The following THAP12 variants were observed in gnomAD, a reference collection of about 807,000 sequenced individuals.
THAP12 encodes THAP domain containing 12, also known as 52 kDa repressor of the inhibitor of the protein kinase.
Under a neutral mutation model 63.0 loss-of-function variants are expected in THAP12, and 20 were observed. The observed-to-expected ratio is 0.32, with a 90% CI of 0.22 to 0.46. The LOEUF (loss-of-function observed/expected upper bound fraction) is 0.46. Among genes scored for constraint, THAP12 ranks in the 20% least tolerant of loss-of-function variants. THAP12 has a pLI of 1.00. For synonymous variants in THAP12, 264 were observed against 328.4 expected (o/e 0.80, Z 2.12); for missense variants, 568 against 908.2 (o/e 0.63, Z 4.81).
rs1161843527 is a variant in THAP12, at chr11:76,351,196, T to C, written c.1954A>G (p.Arg652Gly). ...GACGGAAGCTCTATATCTTTCCCCC[T>C]GTGTTTCCATTTGATTCTCCAACAA... ...LHCWRIKWKHRGKDIELPSTI... is the reference protein window; with the variant it reads ...LHCWRIKWKHGGKDIELPSTI... The change falls in exon 5 of 5, where the codon AGG becomes GGG. Residue 652 changes from arginine to glycine, a missense_variant. Physicochemically the swap from Arg to Gly is moderately radical, Grantham distance 125. Transcript: ENST00000260045. The C allele has an allele frequency of 3.8e-6, 6 of 1,560,810 alleles. No individual in the cohort carries two copies. The highest frequency in any genetic ancestry group is 2.3e-5 in the East Asian group (1 of 44,408).
rs927676432 is a variant in THAP12, at chr11:76,380,673, C to T, written c.89+75G>A. ...CGCCCCTCTCAGCCAGCCCGGGAGC[C>T]CGCCAGGGGCCGGCGGCTGGCAGCG... On this transcript the variant is annotated intron_variant, in intron 1 of 4. Coordinates refer to ENST00000260045, the MANE Select transcript of THAP12 (RefSeq NM_004705.4). 6.8e-6 allele frequency: 8 copies of T among 1,181,418 alleles called. No homozygotes were observed. In the African/African-American group the frequency reaches 1.3e-4, roughly 19 times the overall value. The allele number at this position is 1,181,418 out of a possible 1,614,324, so 73.2% of individuals were successfully genotyped here.
intron 3 of THAP12, chr11:76,356,682 C>G (rs548292224): frequency 6.6e-6 from 1 of 152,244 alleles, no homozygotes; most frequent in East Asian, 1.9e-4. Flanking sequence ...ATAGCATTTA[C>G]ATTGTAGTAG....
At chr11:76,372,418 A>AAAGAG (rs1555025718) in intron 1 of THAP12, among the ~76,000 whole-genome samples, 2 of 150,880 alleles carry the variant, frequency 1.3e-5, no homozygotes, top group African/African-American at 2.4e-5. Context: ...AAAAAAAAAA[A>AAAGAG]AGAGAGAGAG....
intron 1 of THAP12, among the ~76,000 whole-genome samples, chr11:76,379,757 C>T (rs981577620): frequency 1.3e-5 from 2 of 150,908 alleles, no homozygotes; most frequent in African/African-American, 2.4e-5. Context: ...CTTGTTTATT[C>T]CCCCCCCATT....
At position 76,350,763 on chromosome 11, in the gene THAP12, G is replaced by C; in HGVS notation, c.*101C>G. 7.9e-7 allele frequency: 1 copy of C among 1,263,802 alleles called. No homozygotes were observed. Among genetic ancestry groups the C allele is most frequent in the Non-Finnish European group, 1.0e-6 (1 of 954,200 alleles). 78.3% of individuals were successfully genotyped at this position (1,263,802 alleles called of 1,614,324 possible). On this transcript the variant is annotated 3_prime_UTR_variant, in exon 5 of 5. Transcript: ENST00000260045. ...ATCAATGGCTAATGTATTCAATGGA[G>C]TCCTATAGGCAAAGATATTTAGTGA...
chr11:76,355,624 T>G lies in THAP12; in HGVS notation c.349A>C (p.Lys117Gln), dbSNP rs1322476181. The G allele has an allele frequency of 1.3e-5, 21 of 1,597,414 alleles. No homozygotes were observed. Among genetic ancestry groups the G allele is most frequent in the Non-Finnish European group, 1.8e-5 (21 of 1,173,402 alleles). ...CATTAACACTATCACTTACTTTTTT[T>G]CTGTTTCAGTGTCCTGATTTCATCT... ...SEDEIRTLKQ[K>Q]KIDETSEQEQ... is the part of the protein sequence containing the mutation. Residue 117 changes from lysine (K) to glutamine (Q), a missense_variant, in exon 4 of 5, where the codon AAA becomes CAA. Physicochemically the swap from Lys to Gln is moderately conservative, Grantham distance 53. Transcript: ENST00000260045.
At position 76,365,747 on chromosome 11, in the gene THAP12, T is replaced by C. The variant is rs878932994; in HGVS notation, c.210+105A>G. ...GTCTTCATCTTAAAGTGGCAGGATA[T>C]AGGAATACCTTCCAACATTGGTAAA... On this transcript the variant is annotated intron_variant, in intron 2 of 4. Coordinates refer to ENST00000260045, the MANE Select transcript of THAP12 (RefSeq NM_004705.4). 3.7e-6 allele frequency: 5 copies of C among 1,362,440 alleles called. No homozygotes were observed. The South Asian group carries it at 4.3e-5, about 12-fold the overall frequency. The allele number at this position is 1,362,440 out of a possible 1,614,324, so 84.4% of individuals were successfully genotyped here.
chr11:76,369,836 AC>A (rs1301748160), intron 1 of THAP12, among the ~76,000 whole-genome samples: 1 of 152,270 alleles, frequency 6.6e-6, no homozygotes, highest in Admixed American at 6.5e-5. Context: ...CATGGGAAAG[AC>A]GGAGCATAGG....
chr11:76,353,295 T>C (rs1946540048), intron 4 of THAP12, among the ~76,000 whole-genome samples: 1 of 152,232 alleles, frequency 6.6e-6, no homozygotes, highest in Admixed American at 6.5e-5. Context: ...CTGTGCTTAG[T>C]ATTTTATATG....
intron 1 of THAP12, among the ~76,000 whole-genome samples, chr11:76,368,066 GTTGT>G (rs916388502): frequency 3.3e-5 from 5 of 152,144 alleles, no homozygotes; most frequent in African/African-American, 1.2e-4. Context: ...TACTGCTACA[GTTGT>G]TTGTTTTTTA....
intron 1 of THAP12, among the ~76,000 whole-genome samples, chr11:76,372,294 C>A (rs1339177934): frequency 1.3e-5 from 2 of 152,052 alleles, no homozygotes; most frequent in East Asian, 3.9e-4. Context: ...CACTAGTCAA[C>A]CATCACTGAT....
intron 4 of THAP12, among the ~76,000 whole-genome samples, chr11:76,354,254 G>A (rs1946546012): frequency 6.6e-6 from 1 of 152,140 alleles, no homozygotes; most frequent in African/African-American, 2.4e-5. Context: ...AATGCAGGGA[G>A]CATCCTTCCT....
intron 2 of THAP12, among the ~76,000 whole-genome samples, chr11:76,363,765 G>A (rs1429667583): frequency 6.6e-6 from 1 of 151,908 alleles, no homozygotes; most frequent in African/African-American, 2.4e-5. Context: ...AATTTTTTTT[G>A]TTTTGTTTTG....
At position 76,375,393 on chromosome 11, in the gene THAP12, T is replaced by C. The variant is rs370554739; in HGVS notation, c.89+5355A>G. ...CCTGGGGCAATCAAGACTTAGGCTT[T>C]TTTTTTTTTTTTTTACTTAAACCGT... On this transcript the variant is annotated intron_variant, in intron 1 of 4. Transcript: ENST00000260045. Among the ~76,000 whole-genome samples the C allele has an allele frequency of 9.9e-4, 149 of 149,898 alleles. 3 individuals carry two copies. The East Asian group carries it at 0.024, about 24-fold the overall frequency.
chr11:76,355,552 G>C, intron 4 of THAP12, 66 bp downstream of exon 4: 1 of 1,392,098 alleles, frequency 7.2e-7, no homozygotes, highest in African/African-American at 1.5e-5. Flanking sequence ...ATATTTATTT[G>C]TCCTTACCAG....
At position 76,350,750 on chromosome 11, in the gene THAP12, T is replaced by C. The variant is rs528912095; in HGVS notation, c.*114A>G. The C allele has an allele frequency of 1.0e-6, 1 of 995,102 alleles. No individual in the cohort carries two copies. The highest frequency in any genetic ancestry group is 3.9e-5 in the Admixed American group (1 of 25,848). 61.6% of individuals were successfully genotyped at this position (995,102 alleles called of 1,614,324 possible). A position where few individuals can be genotyped will look rare whatever the true frequency, so the allele number is the denominator to read the frequency against. ...AAACAGGTAGATTATCAATGGCTAA[T>C]GTATTCAATGGAGTCCTATAGGCAA... On this transcript the variant is annotated 3_prime_UTR_variant, in exon 5 of 5. Transcript: ENST00000260045.
chr11:76,380,930 G>T lies in THAP12; in HGVS notation c.-94C>A. 5 of 510,678 alleles carry T rather than the reference G, an allele frequency of 9.8e-6. No homozygotes were observed. The highest frequency in any genetic ancestry group is 1.3e-5 in the Non-Finnish European group (5 of 372,252). The allele number at this position is 510,678 out of a possible 1,614,324, so 31.6% of individuals were successfully genotyped here. On this transcript the variant is annotated 5_prime_UTR_variant, in exon 1 of 5. Transcript: ENST00000260045. ...GGGGCCGGGGAGGGGAGCCAGGCCG[G>T]CCGGCCGGCTCGGCAGGGCCGACGC...
chr11:76,360,141 T>C (rs899964139), intron 3 of THAP12, among the ~76,000 whole-genome samples: 2 of 152,160 alleles, frequency 1.3e-5, no homozygotes, highest in African/African-American at 4.8e-5. Context: ...ACATCATACA[T>C]ACTAACTCCA....
At chr11:76,375,589 TG>T (rs1384080259) in intron 1 of THAP12, among the ~76,000 whole-genome samples, 1 of 152,090 alleles carries the variant, frequency 6.6e-6, no homozygotes, top group African/African-American at 2.4e-5. Flanking sequence ...TCTAAAAGCA[TG>T]CATGGAATTT....
Sources: gnomAD v4.1 joint callset for allele counts (sites outside exome capture counted in the v4.1 genomes callset) on GRCh38, gnomAD v4.1.1 for gene constraint, MANE v1.5 for transcripts, NCBI Gene and HGNC (gene_info 2026-07-23, HGNC 2026-07-21) for gene names.